The following DAPK1 variants were observed in gnomAD, a reference collection of about 807,000 sequenced individuals.
DAPK1 encodes death-associated protein kinase 1.
DAPK1 carries 56 observed loss-of-function variants against 144.9 expected under a neutral mutation model. The ratio of observed to expected loss-of-function variants is 0.39; its 90% CI spans 0.31 to 0.48. DAPK1 has a LOEUF of 0.48. Among genes scored for constraint, DAPK1 ranks in the 20% least tolerant of loss-of-function variants. The probability of loss-of-function intolerance (pLI) is 0.95; values close to 1 mark genes in which losing one functional copy is unlikely to be tolerated. For synonymous variants in DAPK1, 690 were observed against 749.0 expected, an observed-to-expected ratio of 0.92 and a Z score of 1.29; for missense variants, 1,454 against 1,875.4, an observed-to-expected ratio of 0.78 and a Z score of 4.15.
At chr9:87,560,508 T>G (rs1054984688) in intron 2 of DAPK1, among the ~76,000 whole-genome samples, 1 of 152,090 alleles carries the variant, frequency 6.6e-6, no homozygotes, top group Non-Finnish European at 1.5e-5. Context: ...CCCCTACCCC[T>G]TGGCAGATAT....
At chr9:87,553,009 C>G (rs960883867) in intron 2 of DAPK1, among the ~76,000 whole-genome samples, 2 of 152,150 alleles carry the variant, frequency 1.3e-5, no homozygotes, top group Admixed American at 1.3e-4. Flanking sequence ...TTCGTCATCC[C>G]AAGCTGAAAC....
intron 13 of DAPK1, 53 bp from the exon 14 acceptor site, chr9:87,647,252 A>C: frequency 7.1e-7 from 1 of 1,414,372 alleles, no homozygotes; most frequent in Non-Finnish European, 1.0e-6. Flanking sequence ...GAATGCATGC[A>C]TCTGGTGCTG....
chr9:87,630,931 A>G (rs1027374342), intron 3 of DAPK1, among the ~76,000 whole-genome samples: 7 of 152,160 alleles, frequency 4.6e-5, no homozygotes, highest in African/African-American at 1.4e-4. Flanking sequence ...AGGTTAGAGA[A>G]CCACTTAACC....
intron 3 of DAPK1, 72 bp from the exon 4 acceptor site, chr9:87,637,871 C>A: frequency 6.6e-7 from 1 of 1,520,982 alleles, no homozygotes; most frequent in Non-Finnish European, 9.0e-7. Context: ...TTGAGCGCAC[C>A]AATAGTCTAT....
chr9:87,633,284 A>T, intron 3 of DAPK1: 2 of 984,332 alleles, frequency 2.0e-6, no homozygotes, highest in Non-Finnish European at 2.4e-6. Context: ...ATGAAGGGGG[A>T]TGGGTATGTA....
chr9:87,533,378 G>T (rs369222622), intron 2 of DAPK1, among the ~76,000 whole-genome samples: 1 of 152,176 alleles, frequency 6.6e-6, no homozygotes, highest in Non-Finnish European at 1.5e-5. Context: ...CTCTCAGACC[G>T]CATCCAGGGG....
intron 17 of DAPK1, among the ~76,000 whole-genome samples, chr9:87,654,842 T>G (rs36214390): frequency 0.024 from 3,670 of 152,254 alleles, 117 homozygotes; most frequent in African/African-American, 0.07. Flanking sequence ...TGCTTTGCCC[T>G]AACCTCAACA....
chr9:87,566,751 G>GAC (rs1255345939), intron 2 of DAPK1, among the ~76,000 whole-genome samples: 4 of 152,160 alleles, frequency 2.6e-5, no homozygotes, highest in Non-Finnish European at 5.9e-5. Flanking sequence ...GGATGGGTTG[G>GAC]ACACGTTGGT....
Position 87,651,575 on chromosome 9 carries a change from G to A in DAPK1, c.1675G>A (p.Val559Ile). ...HLAVRRCQME[V>I]IKTLLSQGCF... ...GGCTGTAAGACGGTGTCAGATGGAG[G>A]TAATCAAGACTCTCCTCAGCCAAGG... Residue 559 changes from valine (V) to isoleucine (I), a missense_variant, in exon 17 of 26, where the codon GTA becomes ATA. Coordinates refer to ENST00000408954, the MANE Select transcript of DAPK1 (RefSeq NM_004938.4). The A allele has an allele frequency of 6.2e-7, 1 of 1,614,110 alleles. No homozygotes were observed. The highest frequency in any genetic ancestry group is 8.5e-7 in the Non-Finnish European group (1 of 1,180,008).
At chr9:87,691,642 C>T (rs1825056799) in intron 21 of DAPK1, among the ~76,000 whole-genome samples, 1 of 151,820 alleles carries the variant, frequency 6.6e-6, no homozygotes, top group Non-Finnish European at 1.5e-5. Flanking sequence ...AAACTTCCTT[C>T]TTAGCATTGC....
intron 3 of DAPK1, chr9:87,633,289 T>C (rs1829777785): frequency 1.0e-6 from 1 of 984,340 alleles, no homozygotes; most frequent in African/African-American, 1.8e-5. Flanking sequence ...GGGGGATGGG[T>C]ATGTAGGGAT....
intron 2 of DAPK1, among the ~76,000 whole-genome samples, chr9:87,581,219 C>T (rs1827744196): frequency 6.6e-6 from 1 of 152,218 alleles, no homozygotes; most frequent in Admixed American, 6.5e-5. Flanking sequence ...TGGACACACA[C>T]TGCTTTCCTC....
intron 2 of DAPK1, among the ~76,000 whole-genome samples, chr9:87,566,273 G>A (rs888696748): frequency 1.1e-4 from 16 of 151,926 alleles, no homozygotes; most frequent in Non-Finnish European, 2.1e-4. Context: ...CACCCGCCTC[G>A]GCCTCCCAAA....
rs1031737469 is a variant in DAPK1 at position 87,619,967 on chromosome 9, C to G, written c.284+14792C>G. Reference sequence around the variant, plus strand: ...TCTCCTTTACCCATTACAGCATCCTCCATGGCACTCACCCCAATCTTACTC... The same window carrying G: ...TCTCCTTTACCCATTACAGCATCCTGCATGGCACTCACCCCAATCTTACTC... On this transcript the variant is annotated intron_variant, in intron 3 of 25. Coordinates refer to ENST00000408954, the MANE Select transcript of DAPK1 (RefSeq NM_004938.4). Among the ~76,000 whole-genome samples, 13 of 152,346 alleles carry G rather than the reference C, an allele frequency of 8.5e-5. No homozygotes were observed. In the East Asian group the frequency reaches 2.3e-3, roughly 27 times the overall value.
chr9:87,591,289 G>A (rs1390594672), intron 2 of DAPK1, among the ~76,000 whole-genome samples: 1 of 152,196 alleles, frequency 6.6e-6, no homozygotes, highest in East Asian at 1.9e-4. Flanking sequence ...AGGGCCAGTT[G>A]GGGCTTAGTA....
intron 2 of DAPK1, among the ~76,000 whole-genome samples, chr9:87,535,533 A>G (rs919414867): frequency 1.3e-5 from 2 of 152,172 alleles, no homozygotes; most frequent in Admixed American, 6.6e-5. Context: ...GATATCAAAT[A>G]TATAATGTTC....
chr9:87,515,954 G>A (rs990721486), intron 2 of DAPK1, among the ~76,000 whole-genome samples: 17 of 152,030 alleles, frequency 1.1e-4, no homozygotes, highest in African/African-American at 4.1e-4. Context: ...GGGTGCCCTT[G>A]CCCCCCTTTC....
intron 18 of DAPK1, among the ~76,000 whole-genome samples, chr9:87,664,033 C>T (rs921787096): frequency 6.6e-6 from 1 of 152,072 alleles, no homozygotes; most frequent in African/African-American, 2.4e-5. Flanking sequence ...TCGGACTCTT[C>T]ACCCACCCCT....
At chr9:87,505,255 A>T (rs904233418) in intron 2 of DAPK1, among the ~76,000 whole-genome samples, 5 of 152,212 alleles carry the variant, frequency 3.3e-5, no homozygotes, top group Admixed American at 3.3e-4. Context: ...AAATTAAGTG[A>T]ATATTATTTT....
Sources: allele counts gnomAD v4.1 joint callset (sites outside exome capture counted in the v4.1 genomes callset), GRCh38; gene constraint gnomAD v4.1.1; transcripts MANE v1.5; gene names NCBI Gene and HGNC (gene_info 2026-07-23, HGNC 2026-07-21).